PRKACB: variants seen among roughly 807,000 people sequenced by gnomAD.
The protein encoded by PRKACB is protein kinase cAMP-activated catalytic subunit beta.
PRKACB carries 16 observed loss-of-function variants against 51.4 expected under a neutral mutation model. The observed-to-expected ratio is 0.31, with a 90% CI of 0.21 to 0.47. The LOEUF (loss-of-function observed/expected upper bound fraction) is 0.47, where lower values mean the gene tolerates loss of function less well. Ranked by LOEUF, PRKACB falls within the 20% of genes least tolerant of loss-of-function variation. PRKACB has a pLI of 1.00. For missense variants in PRKACB, 309 were observed against 464.5 expected (o/e 0.67, Z 3.08); for synonymous variants, 147 against 154.4 (o/e 0.95, Z 0.35).
rs1671120178 is a variant in PRKACB, at chr1:84,205,036, C to G, written c.906+2231C>G. Reference sequence around the variant, plus strand: ...CCTTAGAAGAATGACACCAGAAAACCTTATTATATCACAATATTCTGTTTT... The same window carrying G: ...CCTTAGAAGAATGACACCAGAAAACGTTATTATATCACAATATTCTGTTTT... On this transcript the variant is annotated intron_variant, in intron 8 of 9. Transcript: ENST00000370685. 5 of 982,670 alleles carry G rather than the reference C, an allele frequency of 5.1e-6. No homozygotes were observed. In the Admixed American group the frequency reaches 2.5e-4, roughly 48 times the overall value. 60.9% of individuals were successfully genotyped at this position (982,670 alleles called of 1,614,324 possible).
rs1330176289 is a variant in PRKACB, at chr1:84,171,835, T to TA, written c.188-7335dup. Among the ~76,000 whole-genome samples the TA allele has an allele frequency of 8.6e-5, 13 of 151,538 alleles. 1 individual carries two copies. Among genetic ancestry groups the TA allele is most frequent in the Non-Finnish European group, 1.6e-4 (11 of 67,710 alleles). On this transcript the variant is annotated intron_variant, in intron 1 of 9. Coordinates refer to ENST00000370685, the MANE Select transcript of PRKACB (RefSeq NM_182948.4). ...AGAATCTGGCAAGATTGCCAGATAT[T>TA]AAAAAAATCAATATATAAACATCGA...
At chr1:84,223,876 G>C (rs1180356594) in intron 9 of PRKACB, among the ~76,000 whole-genome samples, 3 of 152,134 alleles carry the variant, frequency 2.0e-5, no homozygotes, top group African/African-American at 4.8e-5. Flanking sequence ...TTTTGGAGGT[G>C]TCATGTTTCT....
chr1:84,222,327 T>G (rs1345771041), intron 9 of PRKACB, among the ~76,000 whole-genome samples: 1 of 152,146 alleles, frequency 6.6e-6, no homozygotes, highest in Non-Finnish European at 1.5e-5. Flanking sequence ...TGAAGTGAGG[T>G]TTTTTGTAAG....
chr1:84,183,453 A>G (rs939970271), intron 3 of PRKACB, among the ~76,000 whole-genome samples: 7 of 151,824 alleles, frequency 4.6e-5, no homozygotes, highest in African/African-American at 1.7e-4. Flanking sequence ...ATAAATTTTT[A>G]GAATTTATAC....
intron 1 of PRKACB, among the ~76,000 whole-genome samples, chr1:84,161,660 T>G (rs187709337): frequency 1.6e-4 from 25 of 152,050 alleles, no homozygotes; most frequent in African/African-American, 6.0e-4. Context: ...AAGATTATAA[T>G]TTATCTTATC....
intron 2 of PRKACB, among the ~76,000 whole-genome samples, chr1:84,180,704 TACTATCA>T (rs1467893297): frequency 2.0e-5 from 3 of 152,110 alleles, no homozygotes; most frequent in Non-Finnish European, 4.4e-5. Flanking sequence ...AAGATGCCAT[TACTATCA>T]AGATTTAGAG....
chr1:84,190,303 A>G (rs1666379466), intron 5 of PRKACB, among the ~76,000 whole-genome samples: 1 of 151,944 alleles, frequency 6.6e-6, no homozygotes, highest in African/African-American at 2.4e-5. Flanking sequence ...ACATAACTGT[A>G]AGACTTTAAA....
chr1:84,097,997 A>G (rs1341284914), intron 1 of PRKACB, among the ~76,000 whole-genome samples: 2 of 152,050 alleles, frequency 1.3e-5, no homozygotes, highest in African/African-American at 4.8e-5. Flanking sequence ...GGCATCCCTT[A>G]GTCTAGTCAA....
At chr1:84,106,857 C>T (rs1649794892) in intron 1 of PRKACB, among the ~76,000 whole-genome samples, 1 of 152,076 alleles carries the variant, frequency 6.6e-6, no homozygotes. Context: ...TCAAACTGTA[C>T]TATAAGGCTA....
chr1:84,189,399 G>A (rs979505512), intron 5 of PRKACB, among the ~76,000 whole-genome samples: 3 of 150,128 alleles, frequency 2.0e-5, no homozygotes, highest in African/African-American at 7.3e-5. Context: ...AGAAAACTTC[G>A]TTTTTCTAGG....
intron 5 of PRKACB, among the ~76,000 whole-genome samples, chr1:84,187,388 T>G (rs1665453889): frequency 6.6e-6 from 1 of 152,150 alleles, no homozygotes; most frequent in South Asian, 2.1e-4. Context: ...GGTAAGAGTT[T>G]CATTACAATA....
At position 84,164,779 on chromosome 1, in the gene PRKACB, G is replaced by A. The variant is rs538399514; in HGVS notation, c.188-14398G>A. 4 of 1,377,464 alleles carry A rather than the reference G, an allele frequency of 2.9e-6. No individual in the cohort carries two copies. In the East Asian group the frequency reaches 1.0e-4, roughly 36 times the overall value. The allele number at this position is 1,377,464 out of a possible 1,614,324, so 85.3% of individuals were successfully genotyped here. On this transcript the variant is annotated intron_variant, in intron 1 of 9. Coordinates refer to ENST00000370685, the MANE Select transcript of PRKACB (RefSeq NM_182948.4). ...TTCAGTCTAGTTATAGACATCTTTG[G>A]CATTAATCTGATGTTTACTAGTGAT... is the stretch of plus-strand genomic sequence containing the variant.
At chr1:84,078,288 C>G in exon 1 of PRKACB, 1 of 1,585,810 alleles carries the variant, frequency 6.3e-7, no homozygotes, top group Non-Finnish European at 8.6e-7. Context: ...CCCAGCCCCC[C>G]TTCCCTTCCC....
At position 84,196,745 on chromosome 1, in the gene PRKACB, AT is replaced by A; in HGVS notation, c.687+4del. The A allele has an allele frequency of 6.2e-7, 1 of 1,611,744 alleles. No homozygotes were observed. Among genetic ancestry groups the A allele is most frequent in the Non-Finnish European group, 8.5e-7 (1 of 1,178,180 alleles). ...TTGACCATCAAGGCTATATCCAGGT[AT>A]GACTTTAACACATTATGTGTACTGT... is the stretch of plus-strand genomic sequence containing the variant. On this transcript the variant is annotated splice_donor_region_variant and intron_variant, in intron 6 of 9. Coordinates refer to ENST00000370685, the MANE Select transcript of PRKACB (RefSeq NM_182948.4).
At chr1:84,184,179 T>G in intron 4 of PRKACB, 44 bp downstream of exon 4, 2 of 1,525,058 alleles carry the variant, frequency 1.3e-6, no homozygotes, top group Non-Finnish European at 1.8e-6. Flanking sequence ...CAACCTAAAT[T>G]TTTTTTAAGA....
chr1:84,130,189 CAAAAAAAAAAAA>C (rs71097833), intron 1 of PRKACB, among the ~76,000 whole-genome samples: 2 of 56,184 alleles, frequency 3.6e-5, no homozygotes, highest in Non-Finnish European at 6.4e-5. Flanking sequence ...GACTCCGTCT[CAAAAAAAAAAAA>C]AAAAAAAAAA....
chr1:84,184,670 C>CT (rs1333781411), intron 4 of PRKACB, among the ~76,000 whole-genome samples: 1 of 151,674 alleles, frequency 6.6e-6, no homozygotes, highest in Non-Finnish European at 1.5e-5. Flanking sequence ...ACATTTTAAT[C>CT]TTTTTTCTCC....
At chr1:84,202,014 C>G (rs1670249347) in intron 7 of PRKACB, among the ~76,000 whole-genome samples, 1 of 152,002 alleles carries the variant, frequency 6.6e-6, no homozygotes, top group African/African-American at 2.4e-5. Context: ...ACAGTCCTCA[C>G]AAAACTCTGT....
At chr1:84,193,759 A>G (rs1416560129) in intron 5 of PRKACB, among the ~76,000 whole-genome samples, 2 of 152,138 alleles carry the variant, frequency 1.3e-5, no homozygotes, top group Non-Finnish European at 2.9e-5. Flanking sequence ...TGAGTGCTTT[A>G]TTGCCCTGGC....
Sources: gnomAD v4.1 joint callset for allele counts (sites outside exome capture counted in the v4.1 genomes callset) on GRCh38, gnomAD v4.1.1 for gene constraint, MANE v1.5 for transcripts, NCBI Gene and HGNC (gene_info 2026-07-23, HGNC 2026-07-21) for gene names.